The following COL24A1 variants were observed in gnomAD, a reference collection of about 807,000 sequenced individuals.
The protein encoded by COL24A1 is collagen type XXIV alpha 1 chain.
A neutral mutation model predicts 253.9 loss-of-function variants in COL24A1; 224 were observed. That is an observed-to-expected ratio of 0.88 (90% CI 0.79 to 0.99). COL24A1 has a LOEUF of 0.99. COL24A1 is among the 50% of genes least tolerant of loss of function. The probability of loss-of-function intolerance (pLI) is 0.00; values close to 1 mark genes in which losing one functional copy is unlikely to be tolerated. For missense variants in COL24A1, 2,131 were observed against 2,068.5 expected (o/e 1.03, Z -0.59); for synonymous variants, 685 against 673.7 (o/e 1.02, Z -0.26).
rs181797304 is a variant in COL24A1, at chr1:85,884,846, C to A, written c.2976+4714G>T. 1.2e-3 allele frequency among the ~76,000 whole-genome samples: 177 copies of A among 152,278 alleles called. 1 individual carries two copies. Among genetic ancestry groups the A allele is most frequent in the African/African-American group, 4.0e-3 (167 of 41,546 alleles). ...CTGCTGGAAGTCAGAGGGAATTTTT[C>A]TCTATCTTTAAAGTAAGAACCTGTT... On this transcript the variant is annotated intron_variant, in intron 32 of 59. Coordinates refer to ENST00000370571, the MANE Select transcript of COL24A1 (RefSeq NM_152890.7).
chr1:86,017,172 T>C lies in COL24A1; in HGVS notation c.2289A>G (p.Pro763=). The C allele has an allele frequency of 6.3e-7, 1 of 1,592,062 alleles. No individual in the cohort carries two copies. The change falls in exon 19 of 60, where the codon CCA becomes CCG. Residue 763 remains proline (P), a synonymous_variant. Coordinates refer to ENST00000370571, the MANE Select transcript of COL24A1 (RefSeq NM_152890.7). ...GQTGDPGLQG[P]SGPPGPEGFP... is the part of the protein sequence containing the mutation. ...TTACCTCTGGTCCTGGAGGGCCAGA[T>C]GGTCCTTGGAGTCCTGGGTCACCTG...
At chr1:85,771,397 C>T (rs966070725) in intron 53 of COL24A1, among the ~76,000 whole-genome samples, 32 of 152,030 alleles carry the variant, frequency 2.1e-4, no homozygotes, top group Non-Finnish European at 2.2e-4. Flanking sequence ...TGATGGTTTC[C>T]AGCTTCATCC....
rs554658469 is a variant in COL24A1 at position 86,148,351 on chromosome 1, A to AT, written c.57-2169dup. On this transcript the variant is annotated intron_variant, in intron 1 of 59. Coordinates refer to ENST00000370571, the MANE Select transcript of COL24A1 (RefSeq NM_152890.7). The stretch of plus-strand genomic sequence containing the variant: ...AGGCGCCTGCCACCACACCCGGCTA[A>AT]TTTTTTTTTTATTATACTTTAAGTT... Among the ~76,000 whole-genome samples the AT allele has an allele frequency of 7.0e-3, 1,044 of 149,636 alleles. 30 individuals are homozygous for AT. The East Asian group carries it at 0.1, about 14-fold the overall frequency.
intron 38 of COL24A1, among the ~76,000 whole-genome samples, chr1:85,848,602 G>A (rs1003288263): frequency 1.3e-5 from 2 of 152,182 alleles, no homozygotes; most frequent in Admixed American, 6.5e-5. Context: ...GAGCCACTGC[G>A]CCCAGCCAAC....
At chr1:85,900,722 C>G (rs1347650672) in intron 28 of COL24A1, among the ~76,000 whole-genome samples, 1 of 151,936 alleles carries the variant, frequency 6.6e-6, no homozygotes, top group African/African-American at 2.4e-5. Flanking sequence ...GACACATAGA[C>G]AAATAGAACA....
intron 10 of COL24A1, among the ~76,000 whole-genome samples, chr1:86,056,809 G>A (rs1042329845): frequency 4.6e-5 from 7 of 151,182 alleles, no homozygotes; most frequent in Admixed American, 2.0e-4. Flanking sequence ...AGCCTAGACT[G>A]TGCCATTGCA....
At chr1:85,922,169 GA>G (rs1382420158) in intron 24 of COL24A1, among the ~76,000 whole-genome samples, 4 of 152,098 alleles carry the variant, frequency 2.6e-5, no homozygotes, top group Non-Finnish European at 5.9e-5. Flanking sequence ...GGGATTATGC[GA>G]AAAGACCAAA....
chr1:85,828,023 A>C (rs1017581140), intron 43 of COL24A1, among the ~76,000 whole-genome samples: 4 of 151,962 alleles, frequency 2.6e-5, no homozygotes, highest in Non-Finnish European at 5.9e-5. Context: ...TAGGGTGTCA[A>C]TTTTGGATCT....
chr1:85,897,545 A>C (rs59056351), intron 28 of COL24A1, among the ~76,000 whole-genome samples: 17,772 of 152,230 alleles, frequency 0.12, 1,159 homozygotes, highest in East Asian at 0.23. Flanking sequence ...AGGGGCACAG[A>C]AAAGGTAGAG....
chr1:86,087,274 A>C (rs531219755), intron 7 of COL24A1, among the ~76,000 whole-genome samples: 24 of 152,236 alleles, frequency 1.6e-4, no homozygotes, highest in Non-Finnish European at 2.9e-4. Context: ...CTAGAAAAAA[A>C]TAATTCAAAA....
At chr1:85,915,944 G>C (rs1441543175) in intron 24 of COL24A1, among the ~76,000 whole-genome samples, 1 of 152,128 alleles carries the variant, frequency 6.6e-6, no homozygotes, top group Non-Finnish European at 1.5e-5. Flanking sequence ...TAAGACATAT[G>C]ATCTAGGGGA....
intron 3 of COL24A1, among the ~76,000 whole-genome samples, chr1:86,118,080 C>T (rs1293494752): frequency 1.2e-3 from 86 of 71,636 alleles, no homozygotes; most frequent in African/African-American, 3.8e-3. Flanking sequence ...TTTTTTTTTT[C>T]GAGATGGAGT....
intron 47 of COL24A1, among the ~76,000 whole-genome samples, chr1:85,801,243 C>G (rs1671394795): frequency 6.6e-6 from 1 of 152,172 alleles, no homozygotes; most frequent in African/African-American, 2.4e-5. Flanking sequence ...TGTTTGTTTT[C>G]TTTCATTTGC....
intron 4 of COL24A1, among the ~76,000 whole-genome samples, chr1:86,114,472 G>A (rs1160001333): frequency 6.6e-6 from 1 of 152,068 alleles, no homozygotes; most frequent in Non-Finnish European, 1.5e-5. Flanking sequence ...AGGAGGATAG[G>A]AATGGTTCAT....
intron 14 of COL24A1, among the ~76,000 whole-genome samples, chr1:86,031,028 C>A (rs1289781119): frequency 6.6e-6 from 1 of 152,046 alleles, no homozygotes; most frequent in East Asian, 1.9e-4. Flanking sequence ...GCACTATTCA[C>A]AATAGCCAAA....
chr1:85,950,255 G>A (rs1344714695), intron 24 of COL24A1, among the ~76,000 whole-genome samples: 1 of 152,068 alleles, frequency 6.6e-6, no homozygotes, highest in Non-Finnish European at 1.5e-5. Flanking sequence ...CAAACAATTG[G>A]TATCCAAACA....
chr1:86,125,888 G>T lies in COL24A1; in HGVS notation c.448C>A (p.Gln150Lys), dbSNP rs926267280. ...KKLVVHIRGK[Q>K]PAVFNYSVHD... ...ACACTGTAGTTGAAAACTGCAGGCT[G>T]CTTTCCTCTAATGTGTACTACTAAT... The change falls in exon 3 of 60, where the codon CAG (glutamine) becomes AAG (lysine). Residue 150 changes from glutamine to lysine, a missense_variant. Gln to Lys is a moderately conservative substitution (Grantham distance 53). Coordinates refer to ENST00000370571, the MANE Select transcript of COL24A1 (RefSeq NM_152890.7). The T allele has an allele frequency of 6.2e-7, 1 of 1,613,092 alleles. No individual in the cohort carries two copies. The highest frequency in any genetic ancestry group is 1.3e-5 in the African/African-American group (1 of 74,854).
chr1:86,132,317 C>A (rs1048897068), intron 2 of COL24A1, among the ~76,000 whole-genome samples: 1 of 152,080 alleles, frequency 6.6e-6, no homozygotes, highest in Non-Finnish European at 1.5e-5. Flanking sequence ...CTGTAGGTTG[C>A]CTGTTCACTG....
At chr1:85,942,487 G>C (rs1005309421) in intron 24 of COL24A1, among the ~76,000 whole-genome samples, 3 of 152,116 alleles carry the variant, frequency 2.0e-5, no homozygotes, top group African/African-American at 7.2e-5. Flanking sequence ...GTTATTTGGA[G>C]TTCTTGAATT....
Sources: gnomAD v4.1 joint callset for allele counts (sites outside exome capture counted in the v4.1 genomes callset) on GRCh38, gnomAD v4.1.1 for gene constraint, MANE v1.5 for transcripts, NCBI Gene and HGNC (gene_info 2026-07-23, HGNC 2026-07-21) for gene names.